Variants in HIP1 observed in about 807,000 individuals in gnomAD.
HIP1 encodes the protein huntingtin interacting protein 1, also known as huntingtin-interacting protein 1.
Under a neutral mutation model 147.6 loss-of-function variants are expected in HIP1, and 65 were observed. That is an observed-to-expected ratio of 0.44 (90% confidence interval 0.36 to 0.54). The LOEUF (loss-of-function observed/expected upper bound fraction) is 0.54. HIP1 is among the 20% of genes least tolerant of loss of function. HIP1 has a pLI of 0.00. For missense variants in HIP1, 1,061 were observed against 1,299.6 expected, an observed-to-expected ratio of 0.82 and a Z score of 2.82; for synonymous variants, 479 against 504.0, an observed-to-expected ratio of 0.95 and a Z score of 0.67.
chr7:75,581,365 C>T lies in HIP1; in HGVS notation c.543-67G>A, dbSNP rs587747508. The T allele has an allele frequency of 1.1e-5, 13 of 1,174,258 alleles. No individual in the cohort carries two copies. The East Asian group carries it at 2.4e-4, about 22-fold the overall frequency. 72.7% of individuals were successfully genotyped at this position (1,174,258 alleles called of 1,614,324 possible). A position where few individuals can be genotyped will look rare whatever the true frequency, so the allele number is the denominator to read the frequency against. Reference sequence around the variant, plus strand: ...GGCCGGTCTGTTACCTGTCCCCTCCCCCACGCTCTACGCTACTCCAGTCTC... The same window carrying T: ...GGCCGGTCTGTTACCTGTCCCCTCCTCCACGCTCTACGCTACTCCAGTCTC... On this transcript the variant is annotated intron_variant, in intron 6 of 30. Transcript: ENST00000336926.
intron 1 of HIP1, among the ~76,000 whole-genome samples, chr7:75,720,465 G>A (rs1389495403): frequency 1.3e-5 from 2 of 151,896 alleles, no homozygotes; most frequent in Admixed American, 6.6e-5. Context: ...CCAGCCTCAA[G>A]TTTCTTCTTA....
intron 1 of HIP1, among the ~76,000 whole-genome samples, chr7:75,685,597 G>A (rs1272357048): frequency 6.6e-6 from 1 of 152,240 alleles, no homozygotes; most frequent in Non-Finnish European, 1.5e-5. Flanking sequence ...CGCCCAGGCT[G>A]GAGTGCAATG....
chr7:75,700,509 C>A (rs1800791337), intron 1 of HIP1, among the ~76,000 whole-genome samples: 1 of 152,108 alleles, frequency 6.6e-6, no homozygotes, highest in African/African-American at 2.4e-5. Context: ...AGCAGAGTCT[C>A]CATGAGGGTG....
intron 1 of HIP1, among the ~76,000 whole-genome samples, chr7:75,699,228 C>A (rs565314615): frequency 2.0e-5 from 3 of 151,892 alleles, no homozygotes; most frequent in African/African-American, 7.3e-5. Flanking sequence ...TATAGGCGCT[C>A]GGCTTTCAAA....
At chr7:75,635,568 A>G (rs1193715890) in intron 1 of HIP1, among the ~76,000 whole-genome samples, 2 of 128,186 alleles carry the variant, frequency 1.6e-5, no homozygotes, top group East Asian at 4.5e-4. Flanking sequence ...ACAGAGAGAG[A>G]CTCCATCTCA....
At chr7:75,684,052 G>A (rs1217080780) in intron 1 of HIP1, among the ~76,000 whole-genome samples, 1 of 152,248 alleles carries the variant, frequency 6.6e-6, no homozygotes, top group South Asian at 2.1e-4. Context: ...GCTGAGGCGG[G>A]AGGATTGCAT....
intron 1 of HIP1, among the ~76,000 whole-genome samples, chr7:75,650,903 T>A (rs1798954998): frequency 6.6e-6 from 1 of 152,092 alleles, no homozygotes; most frequent in South Asian, 2.1e-4. Flanking sequence ...TTGGCCCGGC[T>A]GTGAGCCAGC....
At chr7:75,639,216 C>T (rs1219319700) in intron 1 of HIP1, 102 of 978,828 alleles carry the variant, frequency 1.0e-4, no homozygotes, top group Middle Eastern at 5.2e-4. Flanking sequence ...GCGGCGGCGG[C>T]GGCACCAAGG....
At chr7:75,547,726 C>CT in intron 24 of HIP1, 29 bp downstream of exon 24, 2 of 1,591,620 alleles carry the variant, frequency 1.3e-6, no homozygotes, top group Non-Finnish European at 1.7e-6. Flanking sequence ...TCCTGCTCCC[C>CT]TAGGTCCCAC....
At chr7:75,541,781 C>T in intron 29 of HIP1, 138 bp downstream of exon 29, 1 of 605,092 alleles carries the variant, frequency 1.7e-6, no homozygotes, top group East Asian at 2.6e-5. Context: ...ACTGTTTCTT[C>T]CGGCAAGATT....
chr7:75,576,782 A>G (rs1453659776), intron 7 of HIP1, among the ~76,000 whole-genome samples: 2 of 152,214 alleles, frequency 1.3e-5, no homozygotes, highest in Non-Finnish European at 2.9e-5. Context: ...TGTATGTCCA[A>G]GCTCAGTGGT....
At chr7:75,717,830 G>C (rs1801369725) in intron 1 of HIP1, among the ~76,000 whole-genome samples, 1 of 152,018 alleles carries the variant, frequency 6.6e-6, no homozygotes, top group African/African-American at 2.4e-5. Flanking sequence ...AAGTAGCCAG[G>C]CATGATGGCA....
Position 75,556,145 on chromosome 7 carries a change from A to C in HIP1, c.1708T>G (p.Phe570Val). The stretch of plus-strand genomic sequence containing the variant: ...TCCCGCTCCTTCTCTAGCTCGGCGA[A>C]CTCGGCTGCCCAGTTTGCTTCTGAC... Reference protein sequence around the residue: ...AQSEANWAAEFAELEKERDSL... With the variant: ...AQSEANWAAEVAELEKERDSL... Residue 570 changes from phenylalanine to valine, a missense_variant, in exon 18 of 31, where the codon TTC becomes GTC. Phe to Val is a conservative substitution (Grantham distance 50, BLOSUM62 -1). Around this residue, in one of 3 missense-constraint regions of HIP1, gnomAD observed 810 missense variants for 946.8 expected, o/e 0.86. Coordinates refer to ENST00000336926, the MANE Select transcript of HIP1 (RefSeq NM_005338.7). 1 of 1,614,076 alleles carries C rather than the reference A, an allele frequency of 6.2e-7. No homozygotes were observed. Among genetic ancestry groups the C allele is most frequent in the Non-Finnish European group, 8.5e-7 (1 of 1,180,014 alleles).
At chr7:75,629,005 G>A (rs782769655) in intron 1 of HIP1, among the ~76,000 whole-genome samples, 17 of 152,166 alleles carry the variant, frequency 1.1e-4, no homozygotes, top group Admixed American at 2.0e-4. Flanking sequence ...GGAGTAGGGA[G>A]GCAGTGATTT....
intron 1 of HIP1, among the ~76,000 whole-genome samples, chr7:75,613,143 A>C (rs1797507999): frequency 6.6e-6 from 1 of 152,122 alleles, no homozygotes; most frequent in Non-Finnish European, 1.5e-5. Flanking sequence ...CTAGAAAGAA[A>C]GAAAAGAAAA....
At chr7:75,640,385 G>C (rs1420710754) in intron 1 of HIP1, among the ~76,000 whole-genome samples, 1 of 152,242 alleles carries the variant, frequency 6.6e-6, no homozygotes, top group African/African-American at 2.4e-5. Flanking sequence ...GCCCAGAAGG[G>C]CTTCCCATGC....
At chr7:75,662,450 C>T (rs1293949235) in intron 1 of HIP1, among the ~76,000 whole-genome samples, 4 of 152,178 alleles carry the variant, frequency 2.6e-5, no homozygotes, top group African/African-American at 9.7e-5. Flanking sequence ...AGTGCTCAGA[C>T]TACAAGTGTG....
intron 1 of HIP1, among the ~76,000 whole-genome samples, chr7:75,604,357 G>A (rs1584868157): frequency 6.6e-6 from 1 of 152,194 alleles, no homozygotes; most frequent in African/African-American, 2.4e-5. Context: ...GTGAGGAAGA[G>A]GACCACACCA....
At chr7:75,555,966 G>T (rs1303191004) in intron 18 of HIP1, 60 bp downstream of exon 18, 30 of 1,596,166 alleles carry the variant, frequency 1.9e-5, no homozygotes, top group Non-Finnish European at 4.3e-6. Flanking sequence ...CTCCGTGCAT[G>T]CGCAGAGGCC....
Sources: allele counts gnomAD v4.1 joint callset (sites outside exome capture counted in the v4.1 genomes callset), GRCh38; gene constraint gnomAD v4.1.1; regional missense constraint gnomAD v4.1.1; transcripts MANE v1.5; gene names NCBI Gene and HGNC (gene_info 2026-07-23, HGNC 2026-07-21).